PARG: variants seen among roughly 807,000 people sequenced by gnomAD.
The protein encoded by PARG is poly(ADP-ribose) glycohydrolase, also known as mitochondrial poly(ADP-ribose) glycohydrolase.
Under a neutral mutation model 113.0 loss-of-function variants are expected in PARG, and 35 were observed. The observed-to-expected ratio is 0.31, with a 90% CI of 0.24 to 0.41. The LOEUF (loss-of-function observed/expected upper bound fraction) is 0.41. Ranked by LOEUF, PARG falls within the 10% of genes least tolerant of loss-of-function variation. The pLI, the probability that PARG is intolerant of heterozygous loss-of-function variation, is 1.00. For missense variants in PARG, 797 were observed against 1,169.4 expected (o/e 0.68, Z 4.64); for synonymous variants, 330 against 409.9 (o/e 0.81, Z 2.36).
At chr10:49,859,914 G>A (rs1476627967) in intron 12 of PARG, among the ~76,000 whole-genome samples, 1 of 152,060 alleles carries the variant, frequency 6.6e-6, no homozygotes, top group Non-Finnish European at 1.5e-5. Flanking sequence ...GAATGTGAAT[G>A]CATCCTTATT....
chr10:49,896,896 C>T (rs559063737), intron 7 of PARG, among the ~76,000 whole-genome samples: 23 of 152,252 alleles, frequency 1.5e-4, no homozygotes, highest in African/African-American at 5.1e-4. Flanking sequence ...TTAAATGTTT[C>T]GGAGAACTGA....
At chr10:49,902,354 A>C (rs1351161846) in intron 7 of PARG, among the ~76,000 whole-genome samples, 6 of 152,362 alleles carry the variant, frequency 3.9e-5, no homozygotes, top group Admixed American at 2.0e-4. Context: ...AAATGAAGGC[A>C]TATGAGGACC....
At chr10:49,941,369 T>C in intron 1 of PARG, 140 bp downstream of exon 1, 3 of 779,712 alleles carry the variant, frequency 3.8e-6, no homozygotes, top group South Asian at 1.5e-5. Flanking sequence ...ACTAGTGGCT[T>C]TGGTAGCTCA....
intron 14 of PARG, among the ~76,000 whole-genome samples, chr10:49,842,454 T>C (rs1039061275): frequency 1.3e-5 from 2 of 152,210 alleles, no homozygotes; most frequent in African/African-American, 2.4e-5. Flanking sequence ...CTTTGAGAGA[T>C]CTGCTTTAAA....
At chr10:49,893,973 C>G (rs1199384741) in intron 7 of PARG, among the ~76,000 whole-genome samples, 4 of 152,098 alleles carry the variant, frequency 2.6e-5, no homozygotes, top group African/African-American at 9.7e-5. Flanking sequence ...GCTGGGATTA[C>G]AAGTGTGAGC....
At position 49,913,933 on chromosome 10, in the gene PARG, G is replaced by A. The variant is rs542114884; in HGVS notation, c.1737+1984C>T. The stretch of plus-strand genomic sequence containing the variant: ...TAAATAAATAAATAAATATTAGAAG[G>A]TCGAAAACGCAAGGACTCTTCTCCC... On this transcript the variant is annotated intron_variant, in intron 7 of 17. Coordinates refer to ENST00000616448, the MANE Select transcript of PARG (RefSeq NM_003631.5). Among the ~76,000 whole-genome samples the A allele has an allele frequency of 5.3e-5, 8 of 151,994 alleles. No individual in the cohort carries two copies. The South Asian group carries it at 1.2e-3, about 24-fold the overall frequency.
At chr10:49,866,367 G>A (rs1846514933) in intron 10 of PARG, among the ~76,000 whole-genome samples, 1 of 152,102 alleles carries the variant, frequency 6.6e-6, no homozygotes, top group Middle Eastern at 3.4e-3. Context: ...ACATTTCCTT[G>A]TTCTCAGTCA....
chr10:49,851,814 T>C (rs1216351796), intron 13 of PARG, among the ~76,000 whole-genome samples: 2 of 147,104 alleles, frequency 1.4e-5, no homozygotes, highest in African/African-American at 5.0e-5. Context: ...AATGGGAAGA[T>C]TGGAATTTTA....
intron 6 of PARG, among the ~76,000 whole-genome samples, chr10:49,920,077 T>C (rs1335414523): frequency 6.6e-6 from 1 of 151,880 alleles, no homozygotes; most frequent in Non-Finnish European, 1.5e-5. Flanking sequence ...ACAAATCAAA[T>C]GATGGTTCAT....
chr10:49,886,580 G>T (rs1316930451), intron 7 of PARG, among the ~76,000 whole-genome samples: 12 of 152,286 alleles, frequency 7.9e-5, no homozygotes, highest in African/African-American at 2.6e-4. Flanking sequence ...TTAAACAAAA[G>T]ACAATTATTA....
intron 16 of PARG, among the ~76,000 whole-genome samples, chr10:49,831,956 C>G (rs1416163800): frequency 6.6e-6 from 1 of 152,112 alleles, no homozygotes; most frequent in Admixed American, 6.5e-5. Flanking sequence ...GTCTTGTGGA[C>G]TCTGTTCTTA....
chr10:49,926,208 G>A, intron 4 of PARG, among the ~76,000 whole-genome samples: 1 of 152,072 alleles, frequency 6.6e-6, no homozygotes, highest in East Asian at 1.9e-4. Flanking sequence ...AGGCAAAATG[G>A]AAGAAAGGAG....
At chr10:49,888,681 T>C (rs61846925) in intron 7 of PARG, among the ~76,000 whole-genome samples, 29,075 of 152,178 alleles carry the variant, frequency 0.19, 3,305 homozygotes, top group Non-Finnish European at 0.27. Context: ...AATGTAATTA[T>C]AGTATGTCTT....
At position 49,922,424 on chromosome 10, in the gene PARG, T is replaced by C. The variant is rs782306994; in HGVS notation, c.1579-5A>G. The C allele has an allele frequency of 3.0e-5, 48 of 1,609,006 alleles. No homozygotes were observed. The highest frequency in any genetic ancestry group is 4.1e-5 in the Non-Finnish European group (48 of 1,178,440). ...CCCCGCAGTTCGCTCACCATTCTTT[T>C]GGAAAAAAGAAAAACATATGAGGAA... On this transcript the variant is annotated splice_polypyrimidine_tract_variant and splice_region_variant and intron_variant, in intron 5 of 17. Transcript: ENST00000616448.
intron 16 of PARG, among the ~76,000 whole-genome samples, chr10:49,827,181 T>C (rs183033168): frequency 6.6e-6 from 1 of 152,340 alleles, no homozygotes; most frequent in East Asian, 1.9e-4. Context: ...CCGAAGTAAT[T>C]AGCCAGGTAC....
chr10:49,885,141 A>C, intron 8 of PARG, 62 bp downstream of exon 8: 1 of 870,866 alleles, frequency 1.1e-6, no homozygotes. Context: ...TGGCCATTCG[A>C]GTTTAAGGGA....
intron 11 of PARG, among the ~76,000 whole-genome samples, chr10:49,862,167 A>C (rs1554836090): frequency 6.6e-6 from 1 of 151,270 alleles, no homozygotes; most frequent in Admixed American, 6.6e-5. Flanking sequence ...TTCTATTAAT[A>C]AGGTTAACAG....
intron 16 of PARG, among the ~76,000 whole-genome samples, chr10:49,830,250 T>G (rs1844592161): frequency 6.6e-6 from 1 of 152,224 alleles, no homozygotes. Flanking sequence ...GCTTCTGGAT[T>G]GATGACTTGA....
rs552578796 is a variant in PARG, at chr10:49,907,938, A to C, written c.1737+7979T>G. ...ATAACTTCTACTGCTATTTGACCCAAATGAAGGGTTAGAGTTATAGGACAA... is the reference window on the plus strand; with the variant it reads ...ATAACTTCTACTGCTATTTGACCCACATGAAGGGTTAGAGTTATAGGACAA... On this transcript the variant is annotated intron_variant, in intron 7 of 17. Coordinates refer to ENST00000616448, the MANE Select transcript of PARG (RefSeq NM_003631.5). Among the ~76,000 whole-genome samples the C allele has an allele frequency of 2.2e-4, 34 of 152,314 alleles. 1 individual carries two copies. In the South Asian group the frequency reaches 6.4e-3, roughly 29 times the overall value.
Sources: gnomAD v4.1 joint callset for allele counts (sites outside exome capture counted in the v4.1 genomes callset) on GRCh38, gnomAD v4.1.1 for gene constraint, MANE v1.5 for transcripts, NCBI Gene and HGNC (gene_info 2026-07-23, HGNC 2026-07-21) for gene names.